The following CTNNA3 variants were observed in gnomAD, a reference collection of about 807,000 sequenced individuals.
CTNNA3 encodes catenin alpha 3.
A neutral mutation model predicts 95.7 loss-of-function variants in CTNNA3; 76 were observed. The ratio of observed to expected loss-of-function variants is 0.79; its 90% CI spans 0.66 to 0.96. CTNNA3 has a LOEUF of 0.96. CTNNA3 is among the 40% of genes least tolerant of loss of function. CTNNA3 has a pLI of 0.00. For missense variants in CTNNA3, 1,191 were observed against 1,089.8 expected (o/e 1.09, Z -1.31); for synonymous variants, 431 against 374.4 (o/e 1.15, Z -1.74).
chr10:66,901,703 C>A (rs1359619206), intron 7 of CTNNA3, among the ~76,000 whole-genome samples: 3 of 151,708 alleles, frequency 2.0e-5, no homozygotes, highest in Non-Finnish European at 2.9e-5. Flanking sequence ...AAATGGAAAG[C>A]CAAAAAAAAG....
intron 7 of CTNNA3, among the ~76,000 whole-genome samples, chr10:66,841,911 T>C (rs1843078822): frequency 6.6e-6 from 1 of 152,138 alleles, no homozygotes; most frequent in Admixed American, 6.6e-5. Context: ...ACTATACCTC[T>C]GTGGCAGGAA....
chr10:66,313,901 C>T lies in CTNNA3; in HGVS notation c.1733-33280G>A, dbSNP rs573516395. 3.9e-4 allele frequency among the ~76,000 whole-genome samples: 59 copies of T among 152,256 alleles called. 1 individual carries two copies. Among genetic ancestry groups the T allele is most frequent in the African/African-American group, 1.3e-3 (56 of 41,542 alleles). Reference sequence around the variant, plus strand: ...AAATAATGAATACTGAAATATTTCCCTTGTCTACAAGGTGAATTTGGTAAA... The same window carrying T: ...AAATAATGAATACTGAAATATTTCCTTTGTCTACAAGGTGAATTTGGTAAA... On this transcript the variant is annotated intron_variant, in intron 12 of 17. Coordinates refer to ENST00000433211, the MANE Select transcript of CTNNA3 (RefSeq NM_013266.4).
chr10:67,682,988 A>T (rs575816781), intron 1 of CTNNA3, among the ~76,000 whole-genome samples: 3 of 152,336 alleles, frequency 2.0e-5, no homozygotes, highest in African/African-American at 4.8e-5. Flanking sequence ...AAGATACAAG[A>T]TCAACCTGCA....
At chr10:66,519,973 G>A (rs190475113) in intron 11 of CTNNA3, among the ~76,000 whole-genome samples, 6 of 152,134 alleles carry the variant, frequency 3.9e-5, no homozygotes, top group African/African-American at 7.2e-5. Flanking sequence ...GAAAAGAAGC[G>A]CAGGGAAATC....
At chr10:66,616,303 G>C (rs1844510964) in intron 10 of CTNNA3, among the ~76,000 whole-genome samples, 1 of 152,050 alleles carries the variant, frequency 6.6e-6, no homozygotes, top group African/African-American at 2.4e-5. Context: ...TCTCAATAAA[G>C]TCCAATTCCT....
At chr10:67,164,029 G>C (rs2132096110) in intron 7 of CTNNA3, among the ~76,000 whole-genome samples, 1 of 152,016 alleles carries the variant, frequency 6.6e-6, no homozygotes, top group African/African-American at 2.4e-5. Context: ...AGACAACACA[G>C]TAAATATGTC....
At chr10:67,112,064 C>A (rs1229453736) in intron 7 of CTNNA3, among the ~76,000 whole-genome samples, 1 of 152,104 alleles carries the variant, frequency 6.6e-6, no homozygotes, top group Non-Finnish European at 1.5e-5. Context: ...GAATCATTCA[C>A]ACGTTGAATA....
intron 7 of CTNNA3, among the ~76,000 whole-genome samples, chr10:66,936,337 T>C (rs1257068776): frequency 1.3e-5 from 2 of 152,112 alleles, no homozygotes; most frequent in Non-Finnish European, 2.9e-5. Flanking sequence ...AAATCCCAAA[T>C]GATGGAGATC....
intron 12 of CTNNA3, among the ~76,000 whole-genome samples, chr10:66,374,873 CA>C: frequency 6.6e-6 from 1 of 152,026 alleles, no homozygotes; most frequent in African/African-American, 2.4e-5. Context: ...CCTTGGCCTC[CA>C]AAAGTGCTGG....
At chr10:66,548,301 C>T (rs924711494) in intron 10 of CTNNA3, among the ~76,000 whole-genome samples, 2 of 152,034 alleles carry the variant, frequency 1.3e-5, no homozygotes, top group Non-Finnish European at 2.9e-5. Context: ...CATAGAATTG[C>T]AATTGATTTT....
intron 5 of CTNNA3, among the ~76,000 whole-genome samples, chr10:67,518,785 C>T (rs868612379): frequency 6.6e-6 from 1 of 151,978 alleles, no homozygotes; most frequent in Non-Finnish European, 1.5e-5. Context: ...AATCTGAGAT[C>T]GATATAATAG....
At chr10:66,296,536 C>T (rs1002819325) in intron 12 of CTNNA3, among the ~76,000 whole-genome samples, 1 of 151,720 alleles carries the variant, frequency 6.6e-6, no homozygotes, top group Non-Finnish European at 1.5e-5. Flanking sequence ...AATAAACTCA[C>T]ACACACATGT....
intron 10 of CTNNA3, among the ~76,000 whole-genome samples, chr10:66,542,431 C>T (rs541743708): frequency 9.9e-5 from 15 of 152,108 alleles, no homozygotes; most frequent in Non-Finnish European, 2.2e-4. Context: ...TGTAAAGACG[C>T]ATCCACACAT....
intron 7 of CTNNA3, among the ~76,000 whole-genome samples, chr10:67,025,381 A>G (rs1853309166): frequency 6.6e-6 from 1 of 151,816 alleles, no homozygotes; most frequent in South Asian, 2.1e-4. Context: ...TGTAAAGGCC[A>G]CATATCCAAC....
chr10:66,951,054 C>G (rs1164842891), intron 7 of CTNNA3, among the ~76,000 whole-genome samples: 1 of 151,472 alleles, frequency 6.6e-6, no homozygotes, highest in South Asian at 2.1e-4. Context: ...GTATTTATCA[C>G]AAGGCTATTG....
At chr10:67,205,913 C>T (rs942651901) in intron 6 of CTNNA3, among the ~76,000 whole-genome samples, 1 of 152,136 alleles carries the variant, frequency 6.6e-6, no homozygotes, top group African/African-American at 2.4e-5. Context: ...AAGCTTCTCG[C>T]CAGCTTTTCA....
At chr10:66,387,957 C>CT (rs1262090162) in intron 11 of CTNNA3, among the ~76,000 whole-genome samples, 1 of 151,856 alleles carries the variant, frequency 6.6e-6, no homozygotes, top group African/African-American at 2.4e-5. Flanking sequence ...GGATGGAGGG[C>CT]TGGGGGAGGG....
chr10:67,173,380 G>A lies in CTNNA3; in HGVS notation c.1047+6937C>T, dbSNP rs138087207. On this transcript the variant is annotated intron_variant, in intron 7 of 17. Transcript: ENST00000433211. ...AGGAATTCTAAGGGTCCATTCCCCC[G>A]TTTCAATATGAGACAATTCTGAAAG... Among the ~76,000 whole-genome samples, 417 of 152,148 alleles carry A rather than the reference G, an allele frequency of 2.7e-3. 10 individuals are homozygous for A. Among genetic ancestry groups the A allele is most frequent in the Admixed American group, 0.019 (291 of 15,276 alleles).
intron 5 of CTNNA3, among the ~76,000 whole-genome samples, chr10:67,422,311 G>A (rs895811162): frequency 2.6e-5 from 4 of 152,006 alleles, no homozygotes; most frequent in East Asian, 3.9e-4. Flanking sequence ...ATACAATAAC[G>A]TATGTAAGGG....
Sources: gnomAD v4.1 joint callset for allele counts (sites outside exome capture counted in the v4.1 genomes callset) on GRCh38, gnomAD v4.1.1 for gene constraint, MANE v1.5 for transcripts, NCBI Gene and HGNC (gene_info 2026-07-23, HGNC 2026-07-21) for gene names.